Variants in BAIAP2L1 observed in about 807,000 individuals in gnomAD.
BAIAP2L1 encodes the protein BAR/IMD domain containing adaptor protein 2 like 1.
In BAIAP2L1, 35 loss-of-function variants were observed where a neutral mutation model predicts 66.3. The observed-to-expected ratio is 0.53, with a 90% CI of 0.40 to 0.70. BAIAP2L1 has a LOEUF of 0.70. Among genes scored for constraint, BAIAP2L1 ranks in the 30% least tolerant of loss-of-function variants. The pLI is 0.00. For synonymous variants in BAIAP2L1, 269 were observed against 248.7 expected (o/e 1.08, Z -0.77); for missense variants, 622 against 656.9 (o/e 0.95, Z 0.58).
chr7:98,381,801 C>T (rs1388186631), intron 1 of BAIAP2L1, among the ~76,000 whole-genome samples: 1 of 152,042 alleles, frequency 6.6e-6, no homozygotes, highest in African/African-American at 2.4e-5. Context: ...AAAATGGCCC[C>T]AATACACTGA....
At position 98,293,560 on chromosome 7, in the gene BAIAP2L1, C is replaced by T. The variant is rs1319530978; in HGVS notation, c.1497G>A (p.Pro499=). The stretch of plus-strand genomic sequence containing the variant: ...GTGCCGAGCGATCATTCGTCACAGT[C>T]GGGCGGAGTTTCACAGTGGCAAAGG... ...ENPFATVKLR[P]TVTNDRSAPI... Residue 499 remains proline (P), a synonymous_variant, in exon 14 of 14, where the codon CCG becomes CCA. Coordinates refer to ENST00000005260, the MANE Select transcript of BAIAP2L1 (RefSeq NM_018842.5). 12 of 1,613,744 alleles carry T rather than the reference C, an allele frequency of 7.4e-6. 1 individual carries two copies. The highest frequency in any genetic ancestry group is 5.3e-5 in the African/African-American group (4 of 74,916).
chr7:98,304,406 T>C, intron 11 of BAIAP2L1, 30 bp from the exon 12 acceptor site: 3 of 1,610,884 alleles, frequency 1.9e-6, no homozygotes, highest in Non-Finnish European at 2.5e-6. Context: ...CAGCACGTGT[T>C]AGATAATGTC....
At chr7:98,315,438 G>A (rs1429728852) in intron 7 of BAIAP2L1, 22 bp downstream of exon 7, 2 of 1,391,182 alleles carry the variant, frequency 1.4e-6, no homozygotes, top group African/African-American at 3.0e-5. Context: ...ATACGCTCAA[G>A]GCAATTTGCC....
At chr7:98,293,670 C>T (rs1800063840) in intron 13 of BAIAP2L1, 74 bp from the exon 14 acceptor site, 1 of 1,433,384 alleles carries the variant, frequency 7.0e-7, no homozygotes, top group Non-Finnish European at 9.8e-7. Flanking sequence ...TGCTAATAAC[C>T]CGTTCTTGCC....
chr7:98,336,143 AG>A (rs1002028870), intron 3 of BAIAP2L1, among the ~76,000 whole-genome samples: 1 of 116,750 alleles, frequency 8.6e-6, no homozygotes, highest in African/African-American at 3.3e-5. Context: ...GGGGACTATG[AG>A]GGGGGGTGGG....
chr7:98,336,415 A>C (rs995200422), intron 3 of BAIAP2L1, among the ~76,000 whole-genome samples: 1 of 152,196 alleles, frequency 6.6e-6, no homozygotes, highest in Non-Finnish European at 1.5e-5. Flanking sequence ...GGAGTTCGAG[A>C]CCAGCCTGGC....
At chr7:98,359,127 G>C (rs1356147701) in intron 2 of BAIAP2L1, among the ~76,000 whole-genome samples, 3 of 152,212 alleles carry the variant, frequency 2.0e-5, no homozygotes, top group Non-Finnish European at 4.4e-5. Flanking sequence ...AGTGAGCCCG[G>C]AGGGTCTGGA....
At chr7:98,375,393 TAAAAAA>T (rs35258578) in intron 1 of BAIAP2L1, among the ~76,000 whole-genome samples, 1 of 136,366 alleles carries the variant, frequency 7.3e-6, no homozygotes, top group African/African-American at 2.7e-5. Context: ...CACTCCATCT[TAAAAAA>T]AAAAAAAAAA....
At chr7:98,306,374 G>T (rs1800656504) in intron 11 of BAIAP2L1, 65 bp downstream of exon 11, 23 of 1,574,432 alleles carry the variant, frequency 1.5e-5, no homozygotes, top group Non-Finnish European at 1.9e-5. Flanking sequence ...AGATGGTGGT[G>T]TGTTACAGAA....
intron 1 of BAIAP2L1, among the ~76,000 whole-genome samples, chr7:98,363,857 C>G (rs779488260): frequency 6.6e-5 from 10 of 152,210 alleles, no homozygotes; most frequent in Middle Eastern, 3.4e-3. Context: ...ATAAATGAAT[C>G]AGGAGGAGAG....
At chr7:98,365,012 A>AAAAAAAAAC in intron 1 of BAIAP2L1, among the ~76,000 whole-genome samples, 1 of 148,902 alleles carries the variant, frequency 6.7e-6, no homozygotes, top group Non-Finnish European at 1.5e-5. Context: ...AAAAAAAAAA[A>AAAAAAAAAC]AAAAAAAGAG....
At chr7:98,318,227 T>A (rs977523167) in intron 5 of BAIAP2L1, among the ~76,000 whole-genome samples, 2 of 152,180 alleles carry the variant, frequency 1.3e-5, no homozygotes, top group Admixed American at 1.3e-4. Flanking sequence ...AAGGACATCT[T>A]CTCTTTCTTT....
At chr7:98,375,473 G>A (rs902071121) in intron 1 of BAIAP2L1, among the ~76,000 whole-genome samples, 2 of 151,292 alleles carry the variant, frequency 1.3e-5, no homozygotes, top group African/African-American at 4.9e-5. Context: ...CAGTTGGCCA[G>A]GCGCAGTGGC....
chr7:98,396,703 G>C (rs555827615), intron 1 of BAIAP2L1, among the ~76,000 whole-genome samples: 112 of 152,314 alleles, frequency 7.4e-4, no homozygotes, highest in Non-Finnish European at 1.5e-3. Flanking sequence ...TGGGAGAATT[G>C]CTCGAAAGTG....
At chr7:98,389,274 A>G (rs1303034438) in intron 1 of BAIAP2L1, among the ~76,000 whole-genome samples, 5 of 151,954 alleles carry the variant, frequency 3.3e-5, no homozygotes, top group Admixed American at 2.6e-4. Context: ...TCTGGGACCT[A>G]TTCCAACCCC....
At position 98,393,074 on chromosome 7, in the gene BAIAP2L1, TAC is replaced by T. The variant is rs779327448; in HGVS notation, c.51+7726_51+7727del. ...GTACATATATGTACACATATATGTA[TAC>T]ACACACATATATACATATATACGTG... is the stretch of plus-strand genomic sequence containing the variant. On this transcript the variant is annotated intron_variant, in intron 1 of 13. Transcript: ENST00000005260. 7.5e-4 allele frequency among the ~76,000 whole-genome samples: 99 copies of T among 132,038 alleles called. 11 individuals carry two copies. Among genetic ancestry groups the T allele is most frequent in the South Asian group, 1.5e-3 (6 of 3,952 alleles). 86.6% of individuals were successfully genotyped at this position (132,038 alleles called of 152,430 possible). A position where few individuals can be genotyped will look rare whatever the true frequency, so the allele number is the denominator to read the frequency against.
Position 98,292,830 on chromosome 7 carries a change from C to A in BAIAP2L1, c.*691G>T. 2 of 1,470,562 alleles carry A rather than the reference C, an allele frequency of 1.4e-6. No individual in the cohort carries two copies. 91.1% of individuals were successfully genotyped at this position (1,470,562 alleles called of 1,614,324 possible). A position where few individuals can be genotyped will look rare whatever the true frequency, so the allele number is the denominator to read the frequency against. ...TGTGTCCTGGATGGGCCGTGTGCAG[C>A]GAATCCGTTGGCGACTCCTAACTAC... is the stretch of plus-strand genomic sequence containing the variant. On this transcript the variant is annotated 3_prime_UTR_variant, in exon 14 of 14. Coordinates refer to ENST00000005260, the MANE Select transcript of BAIAP2L1 (RefSeq NM_018842.5).
chr7:98,350,860 T>G (rs1801984811), intron 3 of BAIAP2L1, among the ~76,000 whole-genome samples: 1 of 151,922 alleles, frequency 6.6e-6, no homozygotes, highest in Admixed American at 6.6e-5. Flanking sequence ...ATGAAGTTTT[T>G]GTTTGTTTTT....
rs554577939 is a variant in BAIAP2L1 at position 98,319,190 on chromosome 7, G to T, written c.348+868C>A. Among the ~76,000 whole-genome samples, 67 of 152,244 alleles carry T rather than the reference G, an allele frequency of 4.4e-4. 1 individual carries two copies. Among genetic ancestry groups the T allele is most frequent in the Middle Eastern group, 3.4e-3 (1 of 294 alleles). On this transcript the variant is annotated intron_variant, in intron 5 of 13. Coordinates refer to ENST00000005260, the MANE Select transcript of BAIAP2L1 (RefSeq NM_018842.5). ...CTGGGTGAGCAGGAAGGGGACTTTG[G>T]GTGGCAGGAGAAAGTTAAGTACTCT...
Sources: allele counts gnomAD v4.1 joint callset (sites outside exome capture counted in the v4.1 genomes callset), GRCh38; gene constraint gnomAD v4.1.1; transcripts MANE v1.5; gene names NCBI Gene and HGNC (gene_info 2026-07-23, HGNC 2026-07-21).